The following SPINK9 variants were observed in gnomAD, a reference collection of about 807,000 sequenced individuals.
SPINK9 encodes serine protease inhibitor Kazal-type 9.
SPINK9 carries 3 observed loss-of-function variants against 10.8 expected under a neutral mutation model. That is an observed-to-expected ratio of 0.28 (90% CI 0.13 to 0.72). The LOEUF (loss-of-function observed/expected upper bound fraction) is 0.72, where lower values mean the gene tolerates loss of function less well. Among genes scored for constraint, SPINK9 ranks in the 30% least tolerant of loss-of-function variants. SPINK9 has a pLI of 0.74. For missense variants in SPINK9, 101 were observed against 103.2 expected, an observed-to-expected ratio of 0.98 and a Z score of 0.09; for synonymous variants, 30 against 31.2, an observed-to-expected ratio of 0.96 and a Z score of 0.12.
At chr5:148,333,432 A>G (rs543932549), upstream of SPINK9, among the ~76,000 whole-genome samples, 96 of 152,348 alleles carry the variant, frequency 6.3e-4, 1 homozygote, top group Non-Finnish European at 7.3e-5. Flanking sequence ...GCTGAGTTAA[A>G]CGGGGCTAGC....
chr5:148,327,931 A>T (rs893684897), intron 2 of SPINK9, among the ~76,000 whole-genome samples: 1 of 151,928 alleles, frequency 6.6e-6, no homozygotes, highest in African/African-American at 2.4e-5. Context: ...GTTTGAAGTC[A>T]GGTAGCATGA....
upstream of SPINK9, among the ~76,000 whole-genome samples, chr5:148,331,783 C>CA (rs1370947383): frequency 1.6e-4 from 25 of 152,222 alleles, no homozygotes; most frequent in Admixed American, 5.9e-4. Context: ...AACTATATTT[C>CA]AAAAAATCAA....
chr5:148,335,431 A>G (rs1351964492), upstream of SPINK9: 3 of 529,734 alleles, frequency 5.7e-6, no homozygotes, highest in Non-Finnish European at 1.0e-5. Flanking sequence ...CTTTCACAAG[A>G]AAAGAATCCC....
intron 2 of SPINK9, among the ~76,000 whole-genome samples, chr5:148,328,437 G>T (rs915033667): frequency 1.2e-4 from 18 of 152,164 alleles, no homozygotes; most frequent in Non-Finnish European, 2.2e-4. Flanking sequence ...ATACAAGCAT[G>T]TCATCTGCAG....
chr5:148,332,674 G>T (rs1757165578), upstream of SPINK9, among the ~76,000 whole-genome samples: 1 of 152,118 alleles, frequency 6.6e-6, no homozygotes, highest in Admixed American at 6.5e-5. Flanking sequence ...AATTTTATTG[G>T]ACTCTCCTCA....
chr5:148,322,519 A>G (rs533433993), intron 1 of SPINK9, among the ~76,000 whole-genome samples: 51 of 152,356 alleles, frequency 3.3e-4, no homozygotes, highest in African/African-American at 1.2e-3. Context: ...TGGAAGTCCA[A>G]GAGAAGAACC....
chr5:148,334,054 A>T (rs1285718888), upstream of SPINK9, among the ~76,000 whole-genome samples: 1 of 152,074 alleles, frequency 6.6e-6, no homozygotes, highest in Non-Finnish European at 1.5e-5. Flanking sequence ...CACAACAGGG[A>T]CAAGTGGGGA....
intron 2 of SPINK9, among the ~76,000 whole-genome samples, chr5:148,325,605 GATTT>G (rs1285100020): frequency 3.3e-5 from 5 of 151,840 alleles, no homozygotes; most frequent in African/African-American, 9.7e-5. Flanking sequence ...TTTTTAATCA[GATTT>G]ATTATTGAAC....
At chr5:148,329,514 G>A (rs186604458) in intron 2 of SPINK9, among the ~76,000 whole-genome samples, 7 of 152,122 alleles carry the variant, frequency 4.6e-5, no homozygotes, top group African/African-American at 7.2e-5. Context: ...CTTCAGTTCC[G>A]CTCTGATCTT....
chr5:148,323,156 G>A (rs1283926679), intron 1 of SPINK9, among the ~76,000 whole-genome samples: 3 of 152,084 alleles, frequency 2.0e-5, no homozygotes, highest in Admixed American at 6.5e-5. Flanking sequence ...GCTGATTGAG[G>A]GAAGTGTATG....
intron 2 of SPINK9, among the ~76,000 whole-genome samples, chr5:148,325,404 T>C (rs1757046206): frequency 6.6e-6 from 1 of 152,110 alleles, no homozygotes. Context: ...CGATGTATAA[T>C]GGTTCCAATT....
intron 2 of SPINK9, among the ~76,000 whole-genome samples, chr5:148,324,971 A>G (rs566219359): frequency 2.8e-4 from 42 of 151,958 alleles, no homozygotes; most frequent in Non-Finnish European, 5.7e-4. Flanking sequence ...GGGAATCACT[A>G]ATCTAATTTC....
chr5:148,328,538 T>C (rs1029129793), intron 2 of SPINK9, among the ~76,000 whole-genome samples: 1 of 152,162 alleles, frequency 6.6e-6, no homozygotes, highest in Non-Finnish European at 1.5e-5. Flanking sequence ...TCCAACACTA[T>C]GTTGAATAGG....
chr5:148,325,962 G>A (rs780685216), intron 2 of SPINK9, among the ~76,000 whole-genome samples: 5 of 151,888 alleles, frequency 3.3e-5, no homozygotes, highest in Non-Finnish European at 5.9e-5. Flanking sequence ...CTGAATTTTC[G>A]AAAAGATTAT....
At chr5:148,325,978 G>A (rs1173275051) in intron 2 of SPINK9, among the ~76,000 whole-genome samples, 1 of 151,942 alleles carries the variant, frequency 6.6e-6, no homozygotes, top group African/African-American at 2.4e-5. Flanking sequence ...ATTATTCTCC[G>A]AAGAATTGTC....
At chr5:148,328,394 G>C (rs1757098739) in intron 2 of SPINK9, among the ~76,000 whole-genome samples, 1 of 152,158 alleles carries the variant, frequency 6.6e-6, no homozygotes, top group Non-Finnish European at 1.5e-5. Context: ...AGCTTAAGGA[G>C]ATTTTGGGCT....
Position 148,336,404 on chromosome 5 carries a change from T to C in SPINK9, c.56-18T>C, listed in dbSNP as rs1183357786. ...TCTTCCAGAGTTTAATATTGCCTTG[T>C]CTTTGTTTTTCTTCCAGGTATAGAA... On this transcript the variant is annotated intron_variant, in intron 1 of 3. Transcript: ENST00000377906. 1.2e-6 allele frequency: 2 copies of C among 1,613,230 alleles called. No homozygotes were observed. The highest frequency in any genetic ancestry group is 1.7e-5 in the Admixed American group (1 of 59,956).
At chr5:148,330,293 T>G (rs1757131019) in intron 2 of SPINK9, among the ~76,000 whole-genome samples, 1 of 152,242 alleles carries the variant, frequency 6.6e-6, no homozygotes, top group Non-Finnish European at 1.5e-5. Context: ...CTTTGTTGAT[T>G]TAAAGTCTGT....
chr5:148,329,601 G>T (rs1486288283), intron 2 of SPINK9, among the ~76,000 whole-genome samples: 2 of 151,958 alleles, frequency 1.3e-5, no homozygotes, highest in Admixed American at 6.6e-5. Context: ...TGATGTTAGG[G>T]TTTCAATTTT....
Sources: allele counts gnomAD v4.1 joint callset (sites outside exome capture counted in the v4.1 genomes callset), GRCh38; gene constraint gnomAD v4.1.1; transcripts MANE v1.5; gene names NCBI Gene and HGNC (gene_info 2026-07-23, HGNC 2026-07-21).